TPM4: variants seen among roughly 807,000 people sequenced by gnomAD.
TPM4 encodes the protein tropomyosin 4.
TPM4 carries 17 observed loss-of-function variants against 35.8 expected under a neutral mutation model. That is an observed-to-expected ratio of 0.47 (90% CI 0.32 to 0.71). The LOEUF is 0.71. Among genes scored for constraint, TPM4 ranks in the 30% least tolerant of loss-of-function variants. The pLI is 0.03. For synonymous variants in TPM4, 120 were observed against 122.9 expected, an observed-to-expected ratio of 0.98 and a Z score of 0.15; for missense variants, 240 against 320.9, an observed-to-expected ratio of 0.75 and a Z score of 1.93.
At chr19:16,073,939 A>T (rs1309015378), upstream of TPM4, among the ~76,000 whole-genome samples, 3 of 13,810 alleles carry the variant, frequency 2.2e-4, no homozygotes, top group South Asian at 2.2e-3. Flanking sequence ...AAGACCATGT[A>T]AAAAAAAAAA....
chr19:16,077,162 GA>G (rs1237242878), intron 1 of TPM4: 1 of 152,722 alleles, frequency 6.5e-6, no homozygotes, highest in Non-Finnish European at 1.5e-5. Context: ...TTCGACGGGG[GA>G]CCGGGGATCT....
upstream of TPM4, among the ~76,000 whole-genome samples, chr19:16,072,177 A>G (rs2090362357): frequency 6.6e-6 from 1 of 152,128 alleles, no homozygotes; most frequent in African/African-American, 2.4e-5. Flanking sequence ...TGTGTCTTCG[A>G]TTCATCCCAA....
intron 4 of TPM4, 89 bp downstream of exon 4, chr19:16,088,186 C>CG: frequency 6.6e-7 from 1 of 1,524,548 alleles, no homozygotes. Flanking sequence ...TGGCTCTGAC[C>CG]GGGGTCTCTG....
chr19:16,082,133 G>A, intron 2 of TPM4, 87 bp downstream of exon 2: 1 of 1,488,762 alleles, frequency 6.7e-7, no homozygotes, highest in East Asian at 2.4e-5. Context: ...TGGTGTGAAA[G>A]TAAACAAGGT....
chr19:16,099,049 C>G (rs1311538499), intron 7 of TPM4, among the ~76,000 whole-genome samples: 1 of 151,148 alleles, frequency 6.6e-6, no homozygotes, highest in Non-Finnish European at 1.5e-5. Flanking sequence ...TAGAATCCTC[C>G]CAGGTCATAG....
chr19:16,077,754 T>C (rs1193508574), intron 1 of TPM4, among the ~76,000 whole-genome samples: 1 of 151,084 alleles, frequency 6.6e-6, no homozygotes, highest in Non-Finnish European at 1.5e-5. Flanking sequence ...TAATCAATTG[T>C]GTTGTTGTTT....
chr19:16,095,675 G>A (rs1434563099), intron 7 of TPM4: 5 of 877,594 alleles, frequency 5.7e-6, no homozygotes, highest in African/African-American at 1.8e-5. Flanking sequence ...TTCTGAAGAC[G>A]TGAAAACAAA....
At chr19:16,088,124 G>A (rs1161174782) in intron 4 of TPM4, 27 bp downstream of exon 4, 2 of 1,600,392 alleles carry the variant, frequency 1.2e-6, no homozygotes, top group South Asian at 1.1e-5. Context: ...GACTGAGCGA[G>A]GCTGGCTCGA....
Position 16,070,053 on chromosome 19 carries a change from T to C in TPM4, c.114+2315T>C, listed in dbSNP as rs1319502870. Among the ~76,000 whole-genome samples, 1 of 151,056 alleles carries C rather than the reference T, an allele frequency of 6.6e-6. No individual in the cohort carries two copies. The highest frequency in any genetic ancestry group is 2.4e-5 in the African/African-American group (1 of 40,938). ...CTGCTGCAGGGGTGACTGGGTGGGGTCTGGGGACTGGGATGGGAGTAGAGT... is the reference window on the plus strand; with the variant it reads ...CTGCTGCAGGGGTGACTGGGTGGGGCCTGGGGACTGGGATGGGAGTAGAGT... On this transcript the variant is annotated intron_variant, in intron 2 of 2. Transcript: ENST00000589897. This position sits in a 1 kb window ranked among gnomAD's most constrained non-coding sequence, Gnocchi z 7.4.
intron 7 of TPM4, among the ~76,000 whole-genome samples, chr19:16,098,404 A>T (rs1195602815): frequency 6.6e-6 from 1 of 151,984 alleles, no homozygotes; most frequent in East Asian, 1.9e-4. Context: ...CCAAGGTCGA[A>T]CCTTTGTACT....
intron 7 of TPM4, among the ~76,000 whole-genome samples, chr19:16,099,417 C>T (rs1401504803): frequency 1.3e-5 from 2 of 151,766 alleles, no homozygotes; most frequent in East Asian, 1.9e-4. Flanking sequence ...AACCCCATCT[C>T]TACTAAAAAT....
At chr19:16,101,218 A>C (rs1030500241) in intron 7 of TPM4, 46 bp from the exon 8 acceptor site, 1 of 1,408,506 alleles carries the variant, frequency 7.1e-7, no homozygotes, top group East Asian at 2.4e-5. Context: ...CATTTAACAA[A>C]GACGCTTATT....
chr19:16,091,717 T>C (rs1181070937), intron 5 of TPM4, among the ~76,000 whole-genome samples: 1 of 150,786 alleles, frequency 6.6e-6, no homozygotes, highest in Non-Finnish European at 1.5e-5. Flanking sequence ...GGAGGTTGCA[T>C]TGAGCCAAGA....
intron 7 of TPM4, chr19:16,100,851 A>G: frequency 6.5e-6 from 1 of 154,610 alleles, no homozygotes; most frequent in Non-Finnish European, 1.4e-5. Context: ...TGTGACTTTC[A>G]CCCTGGCAGT....
At chr19:16,073,960 A>AAAAAAC (rs1568298129), upstream of TPM4, among the ~76,000 whole-genome samples, 6 of 105,932 alleles carry the variant, frequency 5.7e-5, no homozygotes, top group Admixed American at 2.4e-4. Context: ...AAAAAAAAAA[A>AAAAAAC]CGCAAAAAAA....
At chr19:16,071,375 C>T (rs1438275053) in intron 2 of TPM4, among the ~76,000 whole-genome samples, 1 of 151,834 alleles carries the variant, frequency 6.6e-6, no homozygotes, top group Admixed American at 6.6e-5. Context: ...TTAGTAGAGA[C>T]AGGGTCTCAC....
intron 2 of TPM4, among the ~76,000 whole-genome samples, chr19:16,083,739 C>G (rs2090514277): frequency 6.7e-6 from 1 of 149,846 alleles, no homozygotes; most frequent in African/African-American, 2.5e-5. Context: ...AGTATAAACA[C>G]CTCCCAAAGA....
Position 16,086,428 on chromosome 19 carries a change from T to G in TPM4, c.272T>G (p.Met91Arg), listed in dbSNP as rs114391121. Residue 91 changes from methionine (M) to arginine (R), a missense_variant, in exon 3 of 8, where the codon ATG becomes AGG. Coordinates refer to ENST00000643579, the MANE Select transcript of TPM4 (RefSeq NM_003290.3). ...EKAADESERG[M>R]KVIENRAMKD... ...GATGAGATTGCTCCTTGCAGAGGAA[T>G]GAAGGTGATAGAAAACCGGGCCATG... 5.7e-5 allele frequency: 92 copies of G among 1,612,588 alleles called. No homozygotes were observed. Among genetic ancestry groups the G allele is most frequent in the Non-Finnish European group, 7.2e-5 (85 of 1,179,834 alleles).
upstream of TPM4, among the ~76,000 whole-genome samples, chr19:16,074,035 TACAC>T (rs966281027): frequency 1.1e-5 from 1 of 89,234 alleles, no homozygotes; most frequent in Admixed American, 1.3e-4. Context: ...AAAAAAAACA[TACAC>T]ACACACACAC....
Sources: gnomAD v4.1 joint callset for allele counts (sites outside exome capture counted in the v4.1 genomes callset) on GRCh38, gnomAD v4.1.1 for gene constraint, Gnocchi (gnomAD v3.1) non-coding constraint, MANE v1.5 for transcripts, NCBI Gene and HGNC (gene_info 2026-07-23, HGNC 2026-07-21) for gene names.